Variants in DST observed in about 807,000 individuals in gnomAD.
The protein encoded by DST is bullous pemphigoid antigen.
DST carries 253 observed loss-of-function variants against 875.2 expected under a neutral mutation model. That is an observed-to-expected ratio of 0.29 (90% CI 0.26 to 0.32). The LOEUF (loss-of-function observed/expected upper bound fraction) is 0.32, where lower values mean the gene tolerates loss of function less well. Ranked by LOEUF, DST falls within the 10% of genes least tolerant of loss-of-function variation. The pLI is 1.00. For missense variants in DST, 8,287 were observed against 9,111.6 expected, an observed-to-expected ratio of 0.91 and a Z score of 3.68; for synonymous variants, 3,124 against 3,197.1, an observed-to-expected ratio of 0.98 and a Z score of 0.77.
At chr6:56,887,452 C>T (rs762134312) in intron 3 of DST, among the ~76,000 whole-genome samples, 2 of 152,110 alleles carry the variant, frequency 1.3e-5, no homozygotes, top group Admixed American at 1.3e-4. Flanking sequence ...ATAAAGGAAG[C>T]TATACCCATC....
In DST at chr6:56,620,633, C is replaced by A. The variant is rs1407716881; in HGVS notation, c.4929+3897G>T. 1.9e-6 allele frequency: 3 copies of A among 1,614,002 alleles called. No homozygotes were observed. In the African/African-American group the frequency reaches 4.0e-5, roughly 22 times the overall value. On this transcript the variant is annotated intron_variant, in intron 36 of 103. Coordinates refer to ENST00000680361, the MANE Select transcript of DST (RefSeq NM_001374736.1). Reference sequence around the variant, plus strand: ...CTCACTTATCTTTCCTGTAAGTTTGCTATTCTCAAGCACTGTTGCCTTCTG... The same window carrying A: ...CTCACTTATCTTTCCTGTAAGTTTGATATTCTCAAGCACTGTTGCCTTCTG...
At chr6:56,665,266 C>A (rs974863777) in intron 10 of DST, among the ~76,000 whole-genome samples, 2 of 152,142 alleles carry the variant, frequency 1.3e-5, no homozygotes, top group African/African-American at 2.4e-5. Flanking sequence ...CTTCATTAAA[C>A]CCTCATTAAT....
In DST at chr6:56,675,358, G is replaced by A. The variant is rs139057037; in HGVS notation, c.1048-4551C>T. On this transcript the variant is annotated intron_variant, in intron 9 of 103. Coordinates refer to ENST00000680361, the MANE Select transcript of DST (RefSeq NM_001374736.1). Reference sequence around the variant, plus strand: ...ACTTTGGACTGGGCAATGATTTTTTGGATATGACTCCAAAAGCACAAGTAA... The same window carrying A: ...ACTTTGGACTGGGCAATGATTTTTTAGATATGACTCCAAAAGCACAAGTAA... Among the ~76,000 whole-genome samples, 879 of 152,162 alleles carry A rather than the reference G, an allele frequency of 5.8e-3. 4 individuals carry two copies. Among genetic ancestry groups the A allele is most frequent in the African/African-American group, 0.02 (839 of 41,514 alleles).
rs577453139 is a variant in DST, at chr6:56,803,186, G to A, written c.625+48211C>T. ...TAGGTTAACTGGCAGAACCAAAACTGTAAAACCCTGTGCTCCTAAAATACT... is the reference window on the plus strand; with the variant it reads ...TAGGTTAACTGGCAGAACCAAAACTATAAAACCCTGTGCTCCTAAAATACT... On this transcript the variant is annotated intron_variant, in intron 4 of 103. Transcript: ENST00000680361. 2.0e-5 allele frequency among the ~76,000 whole-genome samples: 3 copies of A among 152,250 alleles called. No individual in the cohort carries two copies. The East Asian group carries it at 5.8e-4, about 29-fold the overall frequency.
chr6:56,479,863 C>T (rs1483113372), intron 90 of DST, among the ~76,000 whole-genome samples: 1 of 152,128 alleles, frequency 6.6e-6, no homozygotes, highest in Non-Finnish European at 1.5e-5. Flanking sequence ...TAAAACAAGT[C>T]CAGTCCCTAC....
intron 23 of DST, among the ~76,000 whole-genome samples, chr6:56,636,356 A>ATG (rs1157340635): frequency 5.4e-5 from 8 of 149,154 alleles, no homozygotes; most frequent in African/African-American, 1.5e-4. Context: ...GTGTATATAT[A>ATG]TGTGTGTGTA....
At chr6:56,695,825 A>T (rs2099260452) in intron 9 of DST, among the ~76,000 whole-genome samples, 1 of 152,224 alleles carries the variant, frequency 6.6e-6, no homozygotes, top group Non-Finnish European at 1.5e-5. Flanking sequence ...TTAAAATAAA[A>T]CAATTGGTCT....
At chr6:56,715,418 A>G (rs369748482) in intron 5 of DST, among the ~76,000 whole-genome samples, 4 of 152,352 alleles carry the variant, frequency 2.6e-5, no homozygotes, top group Admixed American at 1.3e-4. Flanking sequence ...CCTCCAAAGT[A>G]TGGTGCTTTG....
At chr6:56,896,715 A>T (rs1022497532) in intron 3 of DST, among the ~76,000 whole-genome samples, 1 of 152,200 alleles carries the variant, frequency 6.6e-6, no homozygotes, top group African/African-American at 2.4e-5. Context: ...TCATTAGTGA[A>T]GTTGAGCATT....
intron 4 of DST, chr6:56,843,688 C>G: frequency 1.3e-6 from 1 of 795,012 alleles, no homozygotes. Flanking sequence ...TCGCCCGCGC[C>G]GGGGAGAGAG....
At chr6:56,943,688 C>T (rs1817916633) in intron 2 of DST, among the ~76,000 whole-genome samples, 1 of 152,088 alleles carries the variant, frequency 6.6e-6, no homozygotes, top group South Asian at 2.1e-4. Flanking sequence ...CCTCCTCGGC[C>T]TCCCAAAGTG....
At chr6:56,546,016 G>A (rs574915905) in intron 61 of DST, among the ~76,000 whole-genome samples, 22 of 152,168 alleles carry the variant, frequency 1.4e-4, no homozygotes, top group African/African-American at 4.8e-4. Context: ...CCAAAGATAT[G>A]AATATGCATC....
chr6:56,865,905 C>T (rs1773780851), intron 3 of DST, among the ~76,000 whole-genome samples: 1 of 152,058 alleles, frequency 6.6e-6, no homozygotes, highest in Non-Finnish European at 1.5e-5. Flanking sequence ...TAGCTAAATT[C>T]AACTGGATTA....
intron 60 of DST, among the ~76,000 whole-genome samples, chr6:56,554,738 T>C (rs138780721): frequency 1.2e-4 from 18 of 152,290 alleles, no homozygotes; most frequent in African/African-American, 4.1e-4. Context: ...ATAACTTGAG[T>C]ATCTACTAGG....
At chr6:56,766,981 A>G (rs2099635066) in intron 4 of DST, among the ~76,000 whole-genome samples, 1 of 152,210 alleles carries the variant, frequency 6.6e-6, no homozygotes, top group African/African-American at 2.4e-5. Context: ...ACTCTTAAAT[A>G]ACACAGTAAG....
intron 3 of DST, among the ~76,000 whole-genome samples, chr6:56,866,869 T>C (rs1215784534): frequency 6.6e-6 from 1 of 152,250 alleles, no homozygotes; most frequent in Non-Finnish European, 1.5e-5. Flanking sequence ...AAAGCACCCA[T>C]ACTAACTAGC....
At chr6:56,646,779 G>C (rs867117664) in intron 13 of DST, among the ~76,000 whole-genome samples, 80 of 152,240 alleles carry the variant, frequency 5.3e-4, no homozygotes, top group Middle Eastern at 3.4e-3. Flanking sequence ...TATCTAGTTT[G>C]TATACATTAA....
intron 2 of DST, among the ~76,000 whole-genome samples, chr6:56,911,048 G>A (rs1469176434): frequency 6.6e-6 from 1 of 152,174 alleles, no homozygotes; most frequent in Non-Finnish European, 1.5e-5. Flanking sequence ...GCTGCCTGAG[G>A]AAGCATGTTT....
In DST at chr6:56,640,587, G is replaced by A. The variant is rs148980773; in HGVS notation, c.2046C>T (p.Asp682=). Residue 682 remains aspartate (D), a synonymous_variant, in exon 18 of 104, where the codon GAC becomes GAT. Transcript: ENST00000680361. The part of the protein sequence containing the change: ...QLVQRVAKLR[D]EIMALRNECS... ...ATTCGTTCCTTAAGGCCATAATTTCGTCACGCAGTTTTGCAACCCTGAAAA... is the reference window on the plus strand; with the variant it reads ...ATTCGTTCCTTAAGGCCATAATTTCATCACGCAGTTTTGCAACCCTGAAAA... 21 of 1,613,918 alleles carry A rather than the reference G, an allele frequency of 1.3e-5. No homozygotes were observed. Among genetic ancestry groups the A allele is most frequent in the African/African-American group, 4.0e-5 (3 of 74,890 alleles).
Sources: allele counts gnomAD v4.1 joint callset (sites outside exome capture counted in the v4.1 genomes callset), GRCh38; gene constraint gnomAD v4.1.1; transcripts MANE v1.5; gene names NCBI Gene and HGNC (gene_info 2026-07-23, HGNC 2026-07-21).